RNF169: variants seen among roughly 807,000 people sequenced by gnomAD.
RNF169 encodes ring finger protein 169, also known as E3 ubiquitin-protein ligase RNF169.
RNF169 carries 24 observed loss-of-function variants against 53.9 expected under a neutral mutation model. The ratio of observed to expected loss-of-function variants is 0.45; its 90% CI spans 0.32 to 0.63. The LOEUF (loss-of-function observed/expected upper bound fraction) is 0.63. RNF169 is among the 20% of genes least tolerant of loss of function. RNF169 has a pLI of 0.04. For synonymous variants in RNF169, 396 were observed against 363.5 expected (o/e 1.09, Z -1.02); for missense variants, 883 against 906.2 (o/e 0.97, Z 0.33).
At chr11:74,802,017 CTCT>C (rs1468349126) in intron 2 of RNF169, among the ~76,000 whole-genome samples, 1 of 152,136 alleles carries the variant, frequency 6.6e-6, no homozygotes, top group East Asian at 1.9e-4. Context: ...AACCTGTTAC[CTCT>C]TGTCAGGAGA....
chr11:74,749,136 T>C lies in RNF169; in HGVS notation c.256T>C (p.Ser86Pro). The C allele has an allele frequency of 7.5e-7, 1 of 1,330,264 alleles. No individual in the cohort carries two copies. 82.4% of individuals were successfully genotyped at this position (1,330,264 alleles called of 1,614,324 possible). A position where few individuals can be genotyped will look rare whatever the true frequency, so the allele number is the denominator to read the frequency against. The change falls in exon 1 of 6, where the codon TCG becomes CCG. Residue 86 changes from serine to proline, a missense_variant. By Grantham distance (74) the Ser-to-Pro change is moderately conservative (BLOSUM62 -1). Around this residue, in one of 3 missense-constraint regions of RNF169, gnomAD observed 313 missense variants for 279.9 expected, o/e 1.12. Coordinates refer to ENST00000299563, the MANE Select transcript of RNF169 (RefSeq NM_001098638.2). ...AGCAGCGGCCCTGCCGTGCGGCCAC[T>C]CGCTTTGCCGAGGCTGCGCCCAACG... ...GEAAALPCGH[S>P]LCRGCAQRAA...
intron 1 of RNF169, among the ~76,000 whole-genome samples, chr11:74,783,718 GTAGTATTGCTTTCATTTCACCC>G (rs1283975405): frequency 3.3e-5 from 5 of 152,162 alleles, no homozygotes; most frequent in African/African-American, 1.2e-4. Context: ...TTGTGGTGGG[GTAGTATTGCTTTCATTTCACCC>G]ACAATTTCCT....
Position 74,842,400 on chromosome 11 carries a change from C to T in RNF169, c.*5670C>T, listed in dbSNP as rs1192684869. ...CAAGTTGAGAATACAGTAAAGGAAA[C>T]TCATGAAAGTGGATGTTCTGTTTAT... On this transcript the variant is annotated 3_prime_UTR_variant, in exon 6 of 6. Transcript: ENST00000299563. 6.6e-6 allele frequency: 1 copy of T among 152,246 alleles called. No individual in the cohort carries two copies. The highest frequency in any genetic ancestry group is 1.5e-5 in the Non-Finnish European group (1 of 68,048). 9.4% of individuals were successfully genotyped at this position (152,246 alleles called of 1,614,324 possible).
chr11:74,812,336 CA>C, intron 3 of RNF169, among the ~76,000 whole-genome samples: 1 of 151,886 alleles, frequency 6.6e-6, no homozygotes, highest in Non-Finnish European at 1.5e-5. Context: ...GCTCTGTTGC[CA>C]AAGCTGGAGT....
chr11:74,797,380 T>TTTTA (rs961691981), intron 2 of RNF169, among the ~76,000 whole-genome samples: 6 of 152,166 alleles, frequency 3.9e-5, no homozygotes, highest in African/African-American at 1.2e-4. Context: ...TTTTTCTTAT[T>TTTTA]TTTATTTATT....
At chr11:74,762,036 C>T (rs1261743285) in intron 1 of RNF169, among the ~76,000 whole-genome samples, 4 of 140,964 alleles carry the variant, frequency 2.8e-5, no homozygotes, top group African/African-American at 1.1e-4. Context: ...CTTCCCTTCT[C>T]GCTTCATTTC....
chr11:74,769,900 A>T (rs191661418), intron 1 of RNF169, among the ~76,000 whole-genome samples: 30 of 152,202 alleles, frequency 2.0e-4, no homozygotes, highest in Admixed American at 1.5e-3. Context: ...GGCTGAAGCG[A>T]TCCTCCCACC....
intron 1 of RNF169, among the ~76,000 whole-genome samples, chr11:74,773,401 T>G (rs2035287012): frequency 6.6e-6 from 1 of 152,192 alleles, no homozygotes; most frequent in African/African-American, 2.4e-5. Context: ...TATGTGTTTA[T>G]CAGCTTAGAT....
At chr11:74,814,501 C>T (rs1283177012) in intron 3 of RNF169, among the ~76,000 whole-genome samples, 1 of 150,616 alleles carries the variant, frequency 6.6e-6, no homozygotes, top group East Asian at 2.0e-4. Context: ...TTTACTTCAG[C>T]CTCTGAAGTA....
intron 1 of RNF169, among the ~76,000 whole-genome samples, chr11:74,781,155 A>G (rs1360749215): frequency 1.3e-5 from 2 of 152,216 alleles, no homozygotes; most frequent in Non-Finnish European, 2.9e-5. Context: ...CTCGGGAAAC[A>G]CTGATCTCAG....
In RNF169 at chr11:74,802,337, G is replaced by A. The variant is rs541746221; in HGVS notation, c.577-7847G>A. On this transcript the variant is annotated intron_variant, in intron 2 of 5. Transcript: ENST00000299563. Reference sequence around the variant, plus strand: ...TGTCAAAAAATATCTTTGTTGGAAGGACCTTTTATAAAAATCAGTTAGTCC... The same window carrying A: ...TGTCAAAAAATATCTTTGTTGGAAGAACCTTTTATAAAAATCAGTTAGTCC... 4.6e-5 allele frequency among the ~76,000 whole-genome samples: 7 copies of A among 152,286 alleles called. No homozygotes were observed. In the Middle Eastern group the frequency reaches 0.014, roughly 298 times the overall value.
At chr11:74,830,858 G>A (rs1178784185) in intron 4 of RNF169, 2 of 151,998 alleles carry the variant, frequency 1.3e-5, no homozygotes, top group Non-Finnish European at 1.5e-5. Context: ...GAATGCAAAG[G>A]TGTTTCAGCA....
At chr11:74,789,129 G>A (rs76174709) in intron 1 of RNF169, among the ~76,000 whole-genome samples, 1,609 of 152,318 alleles carry the variant, frequency 0.011, 34 homozygotes, top group African/African-American at 0.035. Context: ...TAACAATTCC[G>A]TAGTGGTTGG....
intron 2 of RNF169, among the ~76,000 whole-genome samples, chr11:74,807,353 T>C (rs866820355): frequency 7.9e-4 from 121 of 152,296 alleles, no homozygotes; most frequent in African/African-American, 2.7e-3. Context: ...TTCATATACC[T>C]GTAGCCAACT....
At chr11:74,833,094 T>G (rs1472230150) in intron 4 of RNF169, among the ~76,000 whole-genome samples, 1 of 152,178 alleles carries the variant, frequency 6.6e-6, no homozygotes, top group Non-Finnish European at 1.5e-5. Context: ...CTTTCTCCTA[T>G]TAACACTATG....
At chr11:74,766,918 A>C (rs966618978) in intron 1 of RNF169, among the ~76,000 whole-genome samples, 2 of 152,256 alleles carry the variant, frequency 1.3e-5, no homozygotes, top group Non-Finnish European at 2.9e-5. Flanking sequence ...CACACAAGTT[A>C]ACAAAATCAC....
chr11:74,798,487 C>G (rs568176502), intron 2 of RNF169, among the ~76,000 whole-genome samples: 2 of 152,172 alleles, frequency 1.3e-5, no homozygotes, highest in South Asian at 2.1e-4. Flanking sequence ...ATCTCAAAAC[C>G]CTGTCTCCTG....
chr11:74,830,705 GAC>G (rs1359331328), intron 4 of RNF169: 1 of 152,100 alleles, frequency 6.6e-6, no homozygotes, highest in African/African-American at 2.4e-5. Context: ...ACCAAAGTCA[GAC>G]ACATATTTCA....
rs2036251425 is a variant in RNF169, at chr11:74,836,083, A to G, written c.1480A>G (p.Thr494Ala). 1 of 1,614,210 alleles carries G rather than the reference A, an allele frequency of 6.2e-7. No individual in the cohort carries two copies. The highest frequency in any genetic ancestry group is 1.3e-5 in the African/African-American group (1 of 75,056). ...LSGGQVLSEYTGPTSADLDHF... is the reference protein window; with the variant it reads ...LSGGQVLSEYAGPTSADLDHF... ...TGGTGGGCAGGTCCTCTCTGAGTAT[A>G]CTGGACCCACCTCTGCTGATCTTGA... Residue 494 changes from threonine to alanine, a missense_variant, in exon 6 of 6, where the codon ACT (threonine) becomes GCT (alanine). Coordinates refer to ENST00000299563, the MANE Select transcript of RNF169 (RefSeq NM_001098638.2).
Sources: allele counts gnomAD v4.1 joint callset (sites outside exome capture counted in the v4.1 genomes callset), GRCh38; gene constraint gnomAD v4.1.1; regional missense constraint gnomAD v4.1.1; transcripts MANE v1.5; gene names NCBI Gene and HGNC (gene_info 2026-07-23, HGNC 2026-07-21).